The following ADAM19 variants were observed in gnomAD, a reference collection of about 807,000 sequenced individuals.
ADAM19 encodes ADAM metallopeptidase domain 19, also known as disintegrin and metalloproteinase domain-containing protein 19.
In ADAM19, 65 loss-of-function variants were observed where a neutral mutation model predicts 114.7. The observed-to-expected ratio is 0.57, with a 90% confidence interval of 0.46 to 0.70. ADAM19 has a LOEUF of 0.70. Ranked by LOEUF, ADAM19 falls within the 30% of genes least tolerant of loss-of-function variation. The probability of loss-of-function intolerance (pLI) is 0.00; values close to 1 mark genes in which losing one functional copy is unlikely to be tolerated. For synonymous variants in ADAM19, 466 were observed against 460.5 expected, an observed-to-expected ratio of 1.01 and a Z score of -0.15; for missense variants, 1,063 against 1,204.7, an observed-to-expected ratio of 0.88 and a Z score of 1.74.
rs115660474 is a variant in ADAM19 at position 157,545,095 on chromosome 5, C to A, written c.252-7104G>T. On this transcript the variant is annotated intron_variant, in intron 3 of 22. Coordinates refer to ENST00000257527, the MANE Select transcript of ADAM19 (RefSeq NM_033274.5). ...CAGCCTGCTAAATGTAGGTGCTTAG[C>A]CCTTTTTAAGCTCTGATTAAATATC... Among the ~76,000 whole-genome samples the A allele has an allele frequency of 9.3e-3, 1,419 of 152,294 alleles. 22 individuals carry two copies. The highest frequency in any genetic ancestry group is 0.033 in the African/African-American group (1,358 of 41,550).
intron 21 of ADAM19, among the ~76,000 whole-genome samples, chr5:157,486,160 A>G (rs1003671840): frequency 6.6e-6 from 1 of 152,172 alleles, no homozygotes. Context: ...ACTCAGCTGG[A>G]TGAGACCTGG....
At chr5:157,501,525 C>T (rs1581305307) in intron 12 of ADAM19, among the ~76,000 whole-genome samples, 1 of 152,230 alleles carries the variant, frequency 6.6e-6, no homozygotes, top group Non-Finnish European at 1.5e-5. Context: ...GTAGCCCACA[C>T]TCAGTGTGCC....
At position 157,519,914 on chromosome 5, in the gene ADAM19, C is replaced by A. The variant is rs1435879129; in HGVS notation, c.525G>T (p.Gly175=). 6.2e-7 allele frequency: 1 copy of A among 1,614,090 alleles called. No homozygotes were observed. The highest frequency in any genetic ancestry group is 1.7e-5 in the Admixed American group (1 of 60,012). The change falls in exon 6 of 23, where the codon GGG becomes GGT. Residue 175 remains glycine, a synonymous_variant. Coordinates refer to ENST00000257527, the MANE Select transcript of ADAM19 (RefSeq NM_033274.5). The part of the protein sequence containing the change: ...EHLKPPPGNC[G]FEHSKPTTRD... Reference sequence around the variant, plus strand: ...TGGTGGTGGGCTTGGAGTGCTCGAACCCACAGTTTCCCGGGGGCGGCTTGA... The same window carrying A: ...TGGTGGTGGGCTTGGAGTGCTCGAAACCACAGTTTCCCGGGGGCGGCTTGA...
chr5:157,574,851 G>T (rs1390697568), intron 1 of ADAM19, among the ~76,000 whole-genome samples: 2 of 152,198 alleles, frequency 1.3e-5, no homozygotes, highest in Non-Finnish European at 2.9e-5. Context: ...CACAGAAGGG[G>T]AAACTGAGGA....
At chr5:157,560,863 G>A (rs747572273) in intron 3 of ADAM19, among the ~76,000 whole-genome samples, 1 of 152,216 alleles carries the variant, frequency 6.6e-6, no homozygotes, top group Non-Finnish European at 1.5e-5. Flanking sequence ...TAAAAACAAT[G>A]AGCAAGAAAT....
At chr5:157,510,598 C>T (rs1038670940) in intron 8 of ADAM19, among the ~76,000 whole-genome samples, 2 of 152,222 alleles carry the variant, frequency 1.3e-5, no homozygotes, top group Non-Finnish European at 2.9e-5. Context: ...CCCAGGCAAC[C>T]GTGCATCTAC....
rs374590286 is a variant in ADAM19, at chr5:157,479,490, A to G, written c.*1459T>C. On this transcript the variant is annotated 3_prime_UTR_variant, in exon 23 of 23. Coordinates refer to ENST00000257527, the MANE Select transcript of ADAM19 (RefSeq NM_033274.5). Reference sequence around the variant, plus strand: ...CAGCACCTTTGTGGAGTGGGAGTCTATCTCCCAGCAAACATCTCCAGGTGC... The same window carrying G: ...CAGCACCTTTGTGGAGTGGGAGTCTGTCTCCCAGCAAACATCTCCAGGTGC... 13 of 985,764 alleles carry G rather than the reference A, an allele frequency of 1.3e-5. No individual in the cohort carries two copies. The highest frequency in any genetic ancestry group is 2.3e-4 in the East Asian group (2 of 8,822). 61.1% of individuals were successfully genotyped at this position (985,764 alleles called of 1,614,324 possible).
At chr5:157,496,265 T>C (rs576484971) in intron 14 of ADAM19, among the ~76,000 whole-genome samples, 124 of 152,354 alleles carry the variant, frequency 8.1e-4, no homozygotes, top group Middle Eastern at 3.4e-3. Flanking sequence ...AAGCATTGCA[T>C]TATATGAATG....
At chr5:157,487,779 A>G (rs1754992962) in intron 21 of ADAM19, among the ~76,000 whole-genome samples, 1 of 152,240 alleles carries the variant, frequency 6.6e-6, no homozygotes, top group African/African-American at 2.4e-5. Context: ...ACCAATAGGT[A>G]CAATTTGGTA....
chr5:157,567,165 G>A (rs1161685245), intron 2 of ADAM19, among the ~76,000 whole-genome samples: 1 of 152,170 alleles, frequency 6.6e-6, no homozygotes, highest in Non-Finnish European at 1.5e-5. Flanking sequence ...CTCTGCATTA[G>A]GATTTGGGCA....
intron 7 of ADAM19, among the ~76,000 whole-genome samples, chr5:157,515,455 G>A (rs1464833110): frequency 6.6e-6 from 1 of 152,168 alleles, no homozygotes; most frequent in East Asian, 1.9e-4. Flanking sequence ...TGCAAAGGCC[G>A]GATTAGGCTT....
At chr5:157,555,138 C>G (rs1757330903) in intron 3 of ADAM19, among the ~76,000 whole-genome samples, 3 of 152,186 alleles carry the variant, frequency 2.0e-5, no homozygotes, top group Admixed American at 1.3e-4. Context: ...GTTTCACATC[C>G]TGGCCCTGCT....
At position 157,503,062 on chromosome 5, in the gene ADAM19, C is replaced by T. The variant is rs931125478; in HGVS notation, c.1131-82G>A. ...GGTGTCACTCGTGCTGTCACTCCTG[C>T]TACCCGTGGGGCTGACTCCACCTGG... On this transcript the variant is annotated intron_variant, in intron 11 of 22. Transcript: ENST00000257527. 3.6e-6 allele frequency: 5 copies of T among 1,378,024 alleles called. No individual in the cohort carries two copies. The African/African-American group carries it at 7.1e-5, about 20-fold the overall frequency. 85.4% of individuals were successfully genotyped at this position (1,378,024 alleles called of 1,614,324 possible).
intron 3 of ADAM19, among the ~76,000 whole-genome samples, chr5:157,549,376 T>A (rs1299509018): frequency 6.6e-6 from 1 of 152,222 alleles, no homozygotes; most frequent in East Asian, 1.9e-4. Context: ...AATTCAAATA[T>A]TTGGCTAGTT....
At position 157,529,321 on chromosome 5, in the gene ADAM19, CA is replaced by C. The variant is rs11396883; in HGVS notation, c.407+1485del. On this transcript the variant is annotated intron_variant, in intron 5 of 22. Coordinates refer to ENST00000257527, the MANE Select transcript of ADAM19 (RefSeq NM_033274.5). ...GGTTTTTTAGATCATCATCCTTCTT[CA>C]AAAAAAAAAAAAGAGGAGGGAGATT... is the stretch of plus-strand genomic sequence containing the variant. 2.4e-3 allele frequency among the ~76,000 whole-genome samples: 325 copies of C among 135,278 alleles called. 4 individuals are homozygous for C. The highest frequency in any genetic ancestry group is 0.023 in the East Asian group (104 of 4,476). The allele number at this position is 135,278 out of a possible 152,430, so 88.7% of individuals were successfully genotyped here.
chr5:157,477,520 A>T lies in ADAM19; in HGVS notation c.*3429T>A. ...CCAGACACATACAAACGCACAGTGG[A>T]CGGTGTGAGAGGACGCGTTGGGGGT... On this transcript the variant is annotated 3_prime_UTR_variant, in exon 23 of 23. Transcript: ENST00000257527. 8.7e-7 allele frequency: 1 copy of T among 1,143,228 alleles called. No homozygotes were observed. The highest frequency in any genetic ancestry group is 1.1e-6 in the Non-Finnish European group (1 of 913,956). 70.8% of individuals were successfully genotyped at this position (1,143,228 alleles called of 1,614,324 possible). A position where few individuals can be genotyped will look rare whatever the true frequency, so the allele number is the denominator to read the frequency against.
At chr5:157,527,809 C>T (rs936573004) in intron 5 of ADAM19, among the ~76,000 whole-genome samples, 1 of 152,146 alleles carries the variant, frequency 6.6e-6, no homozygotes, top group Non-Finnish European at 1.5e-5. Context: ...GAGATGTTAT[C>T]TTTCATTGTA....
intron 21 of ADAM19, among the ~76,000 whole-genome samples, chr5:157,485,636 C>T (rs957050723): frequency 6.6e-6 from 1 of 152,202 alleles, no homozygotes; most frequent in African/African-American, 2.4e-5. Context: ...CTCCTTGGGA[C>T]CCAAGCACAC....
chr5:157,552,105 C>T lies in ADAM19; in HGVS notation c.251+12268G>A, dbSNP rs143617621. Among the ~76,000 whole-genome samples the T allele has an allele frequency of 3.3e-3, 509 of 151,966 alleles. 5 individuals are homozygous for T. The highest frequency in any genetic ancestry group is 0.011 in the African/African-American group (472 of 41,462). On this transcript the variant is annotated intron_variant, in intron 3 of 22. Transcript: ENST00000257527. Reference sequence around the variant, plus strand: ...GGCGGAGGTTGCAGTGAGCCAAGATCGCACCACTGCACTCCAGCCTGGGGG... The same window carrying T: ...GGCGGAGGTTGCAGTGAGCCAAGATTGCACCACTGCACTCCAGCCTGGGGG...
Sources: gnomAD v4.1 joint callset for allele counts (sites outside exome capture counted in the v4.1 genomes callset) on GRCh38, gnomAD v4.1.1 for gene constraint, MANE v1.5 for transcripts, NCBI Gene and HGNC (gene_info 2026-07-23, HGNC 2026-07-21) for gene names.